Variants in EEIG2 observed in about 807,000 individuals in gnomAD.
EEIG2 encodes the protein family with sequence similarity 102 member B.
At chr1:108,566,555 T>C in the EEIG2 span, among the ~76,000 whole-genome samples, 1 of 152,136 alleles carries the variant, frequency 6.6e-6, no homozygotes, top group Non-Finnish European at 1.5e-5. Context: ...TTGAAATCAG[T>C]ATGTTGAAGA....
chr1:108,563,717 T>C, the EEIG2 span, among the ~76,000 whole-genome samples: 18 of 152,156 alleles, frequency 1.2e-4, no homozygotes, highest in African/African-American at 4.3e-4. Context: ...TATTAATAGC[T>C]CTCCATCTGG....
chr1:108,603,783 G>A, the EEIG2 span, among the ~76,000 whole-genome samples: 1 of 152,232 alleles, frequency 6.6e-6, no homozygotes, highest in Non-Finnish European at 1.5e-5. Flanking sequence ...TTTTAAAAAA[G>A]CAGCAAATTA....
chr1:108,639,310 T>G, the EEIG2 span: 1 of 152,084 alleles, frequency 6.6e-6, no homozygotes, highest in South Asian at 2.1e-4. Flanking sequence ...TCAATAAAAA[T>G]CATATATTAA....
the EEIG2 span, chr1:108,628,578 T>G: frequency 5.0e-5 from 80 of 1,603,320 alleles, 1 homozygote; most frequent in South Asian, 8.0e-4. Flanking sequence ...TCAGAAAAAC[T>G]CAGCAGGTAT....
the EEIG2 span, among the ~76,000 whole-genome samples, chr1:108,599,730 G>A: frequency 5.9e-5 from 9 of 152,168 alleles, no homozygotes; most frequent in East Asian, 5.8e-4. Context: ...CGAGGCTCAC[G>A]CCTATGATCT....
chr1:108,630,367 T>C, the EEIG2 span, among the ~76,000 whole-genome samples: 1 of 152,076 alleles, frequency 6.6e-6, no homozygotes, highest in Non-Finnish European at 1.5e-5. Flanking sequence ...TAGGTGGGAA[T>C]TGAACAATGA....
chr1:108,602,955 C>T, the EEIG2 span, among the ~76,000 whole-genome samples: 5 of 151,630 alleles, frequency 3.3e-5, no homozygotes, highest in Non-Finnish European at 5.9e-5. Context: ...ATGAGGGAGA[C>T]GGGGGACATA....
chr1:108,624,341 A>C, the EEIG2 span, among the ~76,000 whole-genome samples: 1 of 151,778 alleles, frequency 6.6e-6, no homozygotes, highest in Non-Finnish European at 1.5e-5. Flanking sequence ...TGACAGTTAG[A>C]GCAACCCTCC....
the EEIG2 span, among the ~76,000 whole-genome samples, chr1:108,633,541 C>A: frequency 6.6e-6 from 1 of 152,224 alleles, no homozygotes; most frequent in Non-Finnish European, 1.5e-5. Flanking sequence ...CTGGGACCGG[C>A]ATGCACCTGC....
chr1:108,585,989 G>A, the EEIG2 span, among the ~76,000 whole-genome samples: 1 of 151,918 alleles, frequency 6.6e-6, no homozygotes, highest in Non-Finnish European at 1.5e-5. Flanking sequence ...TTCCTCCTCT[G>A]ATATTATAGA....
chr1:108,601,351 TAGAG>T, the EEIG2 span, among the ~76,000 whole-genome samples: 1 of 152,032 alleles, frequency 6.6e-6, no homozygotes, highest in African/African-American at 2.4e-5. Flanking sequence ...AAAAATTAAA[TAGAG>T]AAGAAGGATT....
the EEIG2 span, among the ~76,000 whole-genome samples, chr1:108,576,960 T>G: frequency 6.6e-6 from 1 of 151,392 alleles, no homozygotes; most frequent in Non-Finnish European, 1.5e-5. Flanking sequence ...CAGCACCTGT[T>G]GTTTCCTGAC....
the EEIG2 span, among the ~76,000 whole-genome samples, chr1:108,575,185 T>C: frequency 1.3e-5 from 2 of 152,242 alleles, no homozygotes; most frequent in Non-Finnish European, 2.9e-5. Flanking sequence ...TAGCACTCTT[T>C]ATTAAAGTGG....
the EEIG2 span, among the ~76,000 whole-genome samples, chr1:108,566,537 C>T: frequency 1.3e-5 from 2 of 152,014 alleles, no homozygotes; most frequent in African/African-American, 4.8e-5. Flanking sequence ...GGTATACATT[C>T]GAAGGAATTG....
At chr1:108,560,259 G>T in the EEIG2 span, 1 of 229,958 alleles carries the variant, frequency 4.3e-6, no homozygotes, top group Non-Finnish European at 7.0e-6. Flanking sequence ...AGGCTGCCGC[G>T]AGAGGCGGCG....
At chr1:108,624,957 C>T in the EEIG2 span, 1 of 526,744 alleles carries the variant, frequency 1.9e-6, no homozygotes, top group Non-Finnish European at 3.4e-6. Context: ...CAATGACACT[C>T]TCCTCACTGT....
At chr1:108,604,533 A>G in the EEIG2 span, among the ~76,000 whole-genome samples, 3 of 152,236 alleles carry the variant, frequency 2.0e-5, no homozygotes, top group Non-Finnish European at 4.4e-5. Flanking sequence ...GAAGGAATAG[A>G]TCCAGCAAAC....
At chr1:108,611,976 A>G in the EEIG2 span, among the ~76,000 whole-genome samples, 4 of 152,206 alleles carry the variant, frequency 2.6e-5, no homozygotes, top group Non-Finnish European at 4.4e-5. Flanking sequence ...GAACGCAAGA[A>G]TAGAATAAAT....
chr1:108,562,813 A>T, the EEIG2 span, among the ~76,000 whole-genome samples: 1 of 152,206 alleles, frequency 6.6e-6, no homozygotes, highest in Non-Finnish European at 1.5e-5. Context: ...ACAACTACAA[A>T]ATTGTTGGTT....
Sources: allele counts gnomAD v4.1 joint callset (sites outside exome capture counted in the v4.1 genomes callset), GRCh38; gene constraint gnomAD v4.1.1; transcripts MANE v1.5; gene names NCBI Gene and HGNC (gene_info 2026-07-23, HGNC 2026-07-21).